Variants in CDH7 observed in about 807,000 individuals in gnomAD.
CDH7 encodes cadherin-7.
CDH7 carries 25 observed loss-of-function variants against 71.8 expected under a neutral mutation model. That is an observed-to-expected ratio of 0.35 (90% CI 0.25 to 0.49). CDH7 has a LOEUF of 0.49. Ranked by LOEUF, CDH7 falls within the 20% of genes least tolerant of loss-of-function variation. The pLI, the probability that CDH7 is intolerant of heterozygous loss-of-function variation, is 0.99. For missense variants in CDH7, 862 were observed against 974.6 expected, an observed-to-expected ratio of 0.88 and a Z score of 1.54; for synonymous variants, 381 against 363.8, an observed-to-expected ratio of 1.05 and a Z score of -0.54.
intron 2 of CDH7, among the ~76,000 whole-genome samples, 167 bp downstream of exon 2, chr18:65,763,219 C>A (rs375257654): frequency 6.6e-6 from 1 of 152,106 alleles, no homozygotes; most frequent in African/African-American, 2.4e-5. Flanking sequence ...ATAGCCACTG[C>A]GAAGTTGCAA....
intron 6 of CDH7, among the ~76,000 whole-genome samples, chr18:65,841,402 C>A (rs1291660535): frequency 1.3e-5 from 2 of 152,076 alleles, no homozygotes; most frequent in Admixed American, 1.3e-4. Flanking sequence ...AATGTGAAAA[C>A]CTGAATAAAT....
At chr18:65,838,943 G>T (rs1176256538) in intron 6 of CDH7, among the ~76,000 whole-genome samples, 1 of 152,108 alleles carries the variant, frequency 6.6e-6, no homozygotes, top group Non-Finnish European at 1.5e-5. Flanking sequence ...TCTAATAACA[G>T]CATAATAGTA....
chr18:65,824,611 T>C (rs761994090), intron 5 of CDH7, 33 bp from the exon 6 acceptor site: 8 of 1,438,396 alleles, frequency 5.6e-6, no homozygotes, highest in Non-Finnish European at 7.5e-6. Flanking sequence ...TAGTTTGGTG[T>C]AACGTGTTCA....
intron 1 of CDH7, among the ~76,000 whole-genome samples, chr18:65,757,135 G>A (rs1916053134): frequency 6.6e-6 from 1 of 151,474 alleles, no homozygotes; most frequent in African/African-American, 2.4e-5. Context: ...CACTTGATCT[G>A]TTAAAAGTGG....
intron 6 of CDH7, among the ~76,000 whole-genome samples, chr18:65,829,734 A>C (rs1912268035): frequency 6.6e-6 from 1 of 151,264 alleles, no homozygotes; most frequent in Admixed American, 6.6e-5. Context: ...GAAGAAGCAC[A>C]GCGCCTGTAC....
intron 11 of CDH7, among the ~76,000 whole-genome samples, chr18:65,867,507 T>C (rs541900555): frequency 4.9e-4 from 74 of 152,322 alleles, no homozygotes; most frequent in African/African-American, 1.7e-3. Flanking sequence ...GACATTCGAT[T>C]ATTTATTCAG....
At chr18:65,790,136 G>A (rs1568186631) in intron 2 of CDH7, among the ~76,000 whole-genome samples, 1 of 150,592 alleles carries the variant, frequency 6.6e-6, no homozygotes, top group Non-Finnish European at 1.5e-5. Context: ...CAGGAGAATG[G>A]CGTGAACCCA....
At chr18:65,854,716 AT>A (rs935991749) in intron 7 of CDH7, among the ~76,000 whole-genome samples, 1 of 152,048 alleles carries the variant, frequency 6.6e-6, no homozygotes, top group African/African-American at 2.4e-5. Context: ...TAACTTAGAG[AT>A]TTGACAAAGA....
chr18:65,832,388 GA>G (rs1912383139), intron 6 of CDH7, among the ~76,000 whole-genome samples: 1 of 151,778 alleles, frequency 6.6e-6, no homozygotes, highest in Non-Finnish European at 1.5e-5. Context: ...TAGAGAAAAT[GA>G]AAAAATGCTG....
chr18:65,852,843 A>G (rs1218587107), intron 7 of CDH7, among the ~76,000 whole-genome samples: 4 of 152,288 alleles, frequency 2.6e-5, no homozygotes, highest in African/African-American at 7.2e-5. Context: ...TTTGAGAATT[A>G]AGGAAAAAAG....
intron 6 of CDH7, among the ~76,000 whole-genome samples, chr18:65,828,749 A>G (rs1912224496): frequency 6.6e-6 from 1 of 152,156 alleles, no homozygotes; most frequent in South Asian, 2.1e-4. Context: ...CCATTAATTC[A>G]TAATTTTCTT....
chr18:65,751,126 C>G lies in CDH7; in HGVS notation c.-221C>G, dbSNP rs939031548. 2.6e-5 allele frequency: 4 copies of G among 152,326 alleles called. No homozygotes were observed. Among genetic ancestry groups the G allele is most frequent in the African/African-American group, 9.6e-5 (4 of 41,474 alleles). 9.4% of individuals were successfully genotyped at this position (152,326 alleles called of 1,614,324 possible). Reference sequence around the variant, plus strand: ...CGCCCGGGTCCCTGGCGTCTGACGCCGTGGGGAGGGCAGCGAGGCCCCAGG... The same window carrying G: ...CGCCCGGGTCCCTGGCGTCTGACGCGGTGGGGAGGGCAGCGAGGCCCCAGG... On this transcript the variant is annotated 5_prime_UTR_variant, in exon 1 of 12. Coordinates refer to ENST00000397968, the MANE Select transcript of CDH7 (RefSeq NM_004361.5).
rs560902052 is a variant in CDH7 at position 65,852,649 on chromosome 18, C to T, written c.1236-5167C>T. On this transcript the variant is annotated intron_variant, in intron 7 of 11. Coordinates refer to ENST00000397968, the MANE Select transcript of CDH7 (RefSeq NM_004361.5). ...CTATAGGCTAAAAATGTATTTTGTA[C>T]CTCATTTTTCAAAACTTAGATATAA... Among the ~76,000 whole-genome samples, 5 of 152,062 alleles carry T rather than the reference C, an allele frequency of 3.3e-5. No homozygotes were observed. The South Asian group carries it at 1.0e-3, about 32-fold the overall frequency.
chr18:65,840,240 CA>C (rs908927946), intron 6 of CDH7, among the ~76,000 whole-genome samples: 4 of 151,980 alleles, frequency 2.6e-5, no homozygotes, highest in Non-Finnish European at 5.9e-5. Context: ...ACTAATACAC[CA>C]AAAAAGCTGC....
chr18:65,782,121 T>C (rs1439105317), intron 2 of CDH7, among the ~76,000 whole-genome samples: 1 of 72,698 alleles, frequency 1.4e-5, no homozygotes, highest in African/African-American at 1.3e-4. Flanking sequence ...TTTCTTTCTT[T>C]CTTTCTTTCT....
At chr18:65,776,361 AACACACACACACACACACACAC>A (rs66695422) in intron 2 of CDH7, among the ~76,000 whole-genome samples, 2 of 139,636 alleles carry the variant, frequency 1.4e-5, no homozygotes, top group Non-Finnish European at 3.1e-5. Flanking sequence ...GAAAGTACAG[AACACACACACACACACACACAC>A]ACACACACAC....
intron 2 of CDH7, among the ~76,000 whole-genome samples, chr18:65,782,421 G>A (rs1166929139): frequency 2.0e-5 from 3 of 151,938 alleles, no homozygotes; most frequent in Non-Finnish European, 4.4e-5. Context: ...GCCTCCCAAA[G>A]TGCTGGGATT....
At chr18:65,792,241 G>A (rs1356339859) in intron 2 of CDH7, among the ~76,000 whole-genome samples, 1 of 137,938 alleles carries the variant, frequency 7.2e-6, no homozygotes, top group Non-Finnish European at 1.5e-5. Flanking sequence ...AGACATCTTA[G>A]AGAATTTGGG....
chr18:65,771,485 T>A (rs1013166268), intron 2 of CDH7, among the ~76,000 whole-genome samples: 1 of 150,750 alleles, frequency 6.6e-6, no homozygotes, highest in Non-Finnish European at 1.5e-5. Context: ...ACTAAAAAAA[T>A]AAAAATAAAA....
Sources: gnomAD v4.1 joint callset for allele counts (sites outside exome capture counted in the v4.1 genomes callset) on GRCh38, gnomAD v4.1.1 for gene constraint, MANE v1.5 for transcripts, NCBI Gene and HGNC (gene_info 2026-07-23, HGNC 2026-07-21) for gene names.